The following HIP1 variants were observed in gnomAD, a reference collection of about 807,000 sequenced individuals.
HIP1 encodes huntingtin-interacting protein 1.
HIP1 carries 65 observed loss-of-function variants against 147.6 expected under a neutral mutation model. The observed-to-expected ratio is 0.44, with a 90% confidence interval of 0.36 to 0.54. The LOEUF (loss-of-function observed/expected upper bound fraction) is 0.54. Among genes scored for constraint, HIP1 ranks in the 20% least tolerant of loss-of-function variants. The pLI is 0.00. For synonymous variants in HIP1, 479 were observed against 504.0 expected, an observed-to-expected ratio of 0.95 and a Z score of 0.67; for missense variants, 1,061 against 1,299.6, an observed-to-expected ratio of 0.82 and a Z score of 2.82.
chr7:75,691,655 C>G (rs868984908), intron 1 of HIP1, among the ~76,000 whole-genome samples: 19 of 151,360 alleles, frequency 1.3e-4, no homozygotes, highest in African/African-American at 3.6e-4. Context: ...AAAAAATTAG[C>G]CGGGCACCTG....
chr7:75,707,558 A>G (rs77755017), intron 1 of HIP1, among the ~76,000 whole-genome samples: 103 of 150,516 alleles, frequency 6.8e-4, no homozygotes, highest in South Asian at 1.5e-3. Context: ...AGTAGGTTGC[A>G]AAAATTTTCT....
rs11773359 is a variant in HIP1 at position 75,666,628 on chromosome 7, T to G, written c.121-67381A>C. On this transcript the variant is annotated intron_variant, in intron 1 of 30. Transcript: ENST00000336926. ...GAAACTGGGCATGGTGGACCCAAGG[T>G]TAGATAGAGCGGGTGTTACTGAAGT... Among the ~76,000 whole-genome samples the G allele has an allele frequency of 1.7e-3, 265 of 152,220 alleles. 1 individual carries two copies. The highest frequency in any genetic ancestry group is 2.5e-3 in the Non-Finnish European group (170 of 68,022).
intron 19 of HIP1, among the ~76,000 whole-genome samples, chr7:75,554,942 A>G (rs1440969153): frequency 2.0e-5 from 3 of 152,128 alleles, no homozygotes; most frequent in African/African-American, 7.2e-5. Flanking sequence ...ATGGTGGCTC[A>G]TGCCTGTAAT....
Position 75,573,835 on chromosome 7 carries a change from G to C in HIP1, c.671C>G (p.Pro224Arg). The change falls in exon 8 of 31, where the codon CCG (proline) becomes CGG (arginine). Residue 224 changes from proline to arginine, a missense_variant. Pro to Arg is a moderately radical substitution (Grantham distance 103). Transcript: ENST00000336926. Reference sequence around the variant, plus strand: ...GCAGTCCAAGATGACCTGGATCAGCGGGGCGAGGCGGCACTGCCCTGCTGC... The same window carrying C: ...GCAGTCCAAGATGACCTGGATCAGCCGGGCGAGGCGGCACTGCCCTGCTGC... ...VTAAGQCRLA[P>R]LIQVILDCSH... The C allele has an allele frequency of 6.2e-7, 1 of 1,613,942 alleles. No homozygotes were observed. Among genetic ancestry groups the C allele is most frequent in the Non-Finnish European group, 8.5e-7 (1 of 1,179,824 alleles).
chr7:75,651,752 T>C (rs1477745279), intron 1 of HIP1, among the ~76,000 whole-genome samples: 1 of 152,272 alleles, frequency 6.6e-6, no homozygotes, highest in South Asian at 2.1e-4. Context: ...AGGCTAATCA[T>C]AGCTACCTCT....
chr7:75,650,935 G>T (rs1554511866), intron 1 of HIP1, among the ~76,000 whole-genome samples: 1 of 152,166 alleles, frequency 6.6e-6, no homozygotes, highest in Non-Finnish European at 1.5e-5. Context: ...GGCCTTGGGG[G>T]CAGAGTGAGG....
At chr7:75,693,182 T>G (rs1800517552) in intron 1 of HIP1, among the ~76,000 whole-genome samples, 1 of 151,456 alleles carries the variant, frequency 6.6e-6, no homozygotes, top group African/African-American at 2.4e-5. Flanking sequence ...AAAAAAAAAT[T>G]ATGATGCAAA....
At chr7:75,688,475 G>A (rs1041303405) in intron 1 of HIP1, among the ~76,000 whole-genome samples, 9 of 152,098 alleles carry the variant, frequency 5.9e-5, no homozygotes, top group African/African-American at 2.2e-4. Context: ...GGTGGGGGAC[G>A]GGCAGGCAGC....
At chr7:75,554,585 G>A (rs587665961) in intron 19 of HIP1, 59 bp from the exon 20 acceptor site, 20 of 1,284,392 alleles carry the variant, frequency 1.6e-5, no homozygotes, top group Non-Finnish European at 2.0e-5. Context: ...CTTCATCCTC[G>A]TTAATTAAGC....
intron 1 of HIP1, among the ~76,000 whole-genome samples, chr7:75,632,471 T>C (rs1340400195): frequency 6.6e-6 from 1 of 152,102 alleles, no homozygotes; most frequent in Non-Finnish European, 1.5e-5. Context: ...AGTGGTGTTA[T>C]CATAGCTCAC....
chr7:75,692,768 C>T (rs1345487554), intron 1 of HIP1, among the ~76,000 whole-genome samples: 2 of 151,872 alleles, frequency 1.3e-5, no homozygotes, highest in African/African-American at 4.8e-5. Context: ...TACTTTCTAT[C>T]ATGACAGATA....
At chr7:75,614,210 C>A (rs782004816) in intron 1 of HIP1, among the ~76,000 whole-genome samples, 20 of 152,176 alleles carry the variant, frequency 1.3e-4, no homozygotes, top group Non-Finnish European at 2.9e-4. Flanking sequence ...CCACCACACC[C>A]AGCTAATTTT....
intron 1 of HIP1, among the ~76,000 whole-genome samples, chr7:75,714,014 ACATTTTATTTTATTT>A (rs1554520341): frequency 1.4e-5 from 2 of 145,142 alleles, no homozygotes; most frequent in African/African-American, 5.1e-5. Context: ...TTTTTTTTTA[ACATTTTATTTTATTT>A]CATTTTATTT....
chr7:75,636,302 G>C (rs1798426909), intron 1 of HIP1, among the ~76,000 whole-genome samples: 1 of 150,368 alleles, frequency 6.7e-6, no homozygotes, highest in South Asian at 2.1e-4. Flanking sequence ...AGTGAGCCGA[G>C]ACTGCACCAC....
At chr7:75,648,963 C>T (rs1247691256) in intron 1 of HIP1, among the ~76,000 whole-genome samples, 3 of 152,054 alleles carry the variant, frequency 2.0e-5, no homozygotes, top group Admixed American at 6.6e-5. Flanking sequence ...GTGCATGCCA[C>T]CATGACTGGC....
chr7:75,576,545 A>C (rs1320740339), intron 7 of HIP1, among the ~76,000 whole-genome samples: 2 of 152,102 alleles, frequency 1.3e-5, no homozygotes, highest in East Asian at 3.9e-4. Context: ...AACATGGGGA[A>C]ACCCCATCTC....
At chr7:75,551,865 TAGAC>T (rs1175810410) in intron 22 of HIP1, among the ~76,000 whole-genome samples, 1 of 152,148 alleles carries the variant, frequency 6.6e-6, no homozygotes, top group Non-Finnish European at 1.5e-5. Flanking sequence ...GAACTCCAAT[TAGAC>T]AGTCTATCCT....
At chr7:75,648,937 C>G (rs1171360693) in intron 1 of HIP1, among the ~76,000 whole-genome samples, 1 of 152,076 alleles carries the variant, frequency 6.6e-6, no homozygotes, top group Non-Finnish European at 1.5e-5. Context: ...GAGACCTGGT[C>G]TCACTGGGAC....
At chr7:75,694,778 G>A (rs1349150795) in intron 1 of HIP1, among the ~76,000 whole-genome samples, 1 of 151,642 alleles carries the variant, frequency 6.6e-6, no homozygotes, top group Non-Finnish European at 1.5e-5. Context: ...CCAAAGTGCT[G>A]GGATTACATG....
Sources: allele counts gnomAD v4.1 joint callset (sites outside exome capture counted in the v4.1 genomes callset), GRCh38; gene constraint gnomAD v4.1.1; transcripts MANE v1.5; gene names NCBI Gene and HGNC (gene_info 2026-07-23, HGNC 2026-07-21).